DENND4A: variants seen among roughly 807,000 people sequenced by gnomAD.
DENND4A encodes C-myc promoter-binding protein.
DENND4A carries 70 observed loss-of-function variants against 199.3 expected under a neutral mutation model. That is an observed-to-expected ratio of 0.35 (90% CI 0.29 to 0.43). The LOEUF (loss-of-function observed/expected upper bound fraction) is 0.43. DENND4A is among the 20% of genes least tolerant of loss of function. The pLI is 1.00. For synonymous variants in DENND4A, 686 were observed against 766.9 expected (o/e 0.89, Z 1.74); for missense variants, 1,723 against 2,255.8 (o/e 0.76, Z 4.78).
chr15:65,677,988 C>T (rs904616439), intron 23 of DENND4A, among the ~76,000 whole-genome samples: 2 of 140,528 alleles, frequency 1.4e-5, no homozygotes, highest in African/African-American at 5.3e-5. Context: ...AGTGCAGTGG[C>T]ATGATCTTGG....
intron 1 of DENND4A, among the ~76,000 whole-genome samples, chr15:65,782,076 C>T (rs1281424045): frequency 1.3e-5 from 2 of 152,202 alleles, no homozygotes; most frequent in African/African-American, 2.4e-5. Context: ...GTCATTGATA[C>T]AGACAACTCT....
intron 8 of DENND4A, among the ~76,000 whole-genome samples, chr15:65,732,158 C>T (rs370300435): frequency 1.4e-4 from 21 of 151,974 alleles, no homozygotes; most frequent in African/African-American, 5.1e-4. Context: ...GATCAGATGA[C>T]AAGTAAAGAC....
At position 65,738,690 on chromosome 15, in the gene DENND4A, G is replaced by A. The variant is rs1381241041; in HGVS notation, c.801+16C>T. 1.9e-6 allele frequency: 3 copies of A among 1,586,790 alleles called. No individual in the cohort carries two copies. The South Asian group carries it at 3.5e-5, about 19-fold the overall frequency. ...TACAAGAAATTTGTAGATACAATTTGTCAAACACATAATACCTTTTCAGCT... is the reference window on the plus strand; with the variant it reads ...TACAAGAAATTTGTAGATACAATTTATCAAACACATAATACCTTTTCAGCT... On this transcript the variant is annotated intron_variant, in intron 6 of 32. Transcript: ENST00000443035.
At chr15:65,701,740 T>C (rs1057404224) in intron 18 of DENND4A, 22 bp downstream of exon 18, 5 of 1,607,470 alleles carry the variant, frequency 3.1e-6, no homozygotes, top group Non-Finnish European at 4.3e-6. Flanking sequence ...ATACTCTTTA[T>C]CCATTAAACC....
At chr15:65,687,641 C>A (rs1393866892) in intron 23 of DENND4A, among the ~76,000 whole-genome samples, 1 of 152,088 alleles carries the variant, frequency 6.6e-6, no homozygotes, top group Non-Finnish European at 1.5e-5. Flanking sequence ...ATATAAAATT[C>A]TGAGTTGACA....
At chr15:65,733,783 C>T (rs955421638) in intron 7 of DENND4A, among the ~76,000 whole-genome samples, 8 of 152,264 alleles carry the variant, frequency 5.3e-5, no homozygotes, top group Admixed American at 4.6e-4. Flanking sequence ...TATGACCTTA[C>T]CCCCAACGCC....
chr15:65,759,681 G>A (rs2076803321), intron 2 of DENND4A, among the ~76,000 whole-genome samples: 1 of 152,232 alleles, frequency 6.6e-6, no homozygotes, highest in South Asian at 2.1e-4. Flanking sequence ...ACTGTTAAAT[G>A]CTGACTTATC....
intron 27 of DENND4A, 85 bp from the exon 28 acceptor site, chr15:65,668,208 C>CT: frequency 1.0e-6 from 1 of 958,806 alleles, no homozygotes; most frequent in Non-Finnish European, 1.5e-6. Context: ...CTCTCTCTCT[C>CT]TCTTTTTTTT....
At position 65,696,409 on chromosome 15, in the gene DENND4A, A is replaced by G; in HGVS notation, c.3039T>C (p.Gly1013=). 6.2e-7 allele frequency: 1 copy of G among 1,612,796 alleles called. No homozygotes were observed. Among genetic ancestry groups the G allele is most frequent in the Non-Finnish European group, 8.5e-7 (1 of 1,179,098 alleles). The change falls in exon 22 of 33, where the codon GGT becomes GGC. Residue 1013 remains glycine (G), a synonymous_variant. Transcript: ENST00000443035. ...TTTTACCAGCACTGTTGTTACTTGTACCAGTGAGGCGAACGATACTGGAAG... is the reference window on the plus strand; with the variant it reads ...TTTTACCAGCACTGTTGTTACTTGTGCCAGTGAGGCGAACGATACTGGAAG... ...QNSSSIVRLT[G]TSNNSAGKIS...
intron 20 of DENND4A, among the ~76,000 whole-genome samples, chr15:65,698,328 G>A (rs1287214321): frequency 6.6e-6 from 1 of 151,872 alleles, no homozygotes; most frequent in Non-Finnish European, 1.5e-5. Context: ...TGTTGCTAAA[G>A]AGGCTCTGCA....
At chr15:65,741,042 T>C (rs2076248485) in intron 5 of DENND4A, among the ~76,000 whole-genome samples, 1 of 151,954 alleles carries the variant, frequency 6.6e-6, no homozygotes, top group South Asian at 2.1e-4. Flanking sequence ...TATATGTATA[T>C]ATGTATATAT....
intron 29 of DENND4A, 49 bp from the exon 30 acceptor site, chr15:65,665,511 TC>T: frequency 7.3e-7 from 1 of 1,378,608 alleles, no homozygotes; most frequent in Non-Finnish European, 9.9e-7. Context: ...TGATAATTTT[TC>T]ATAAGTATTT....
Position 65,706,251 on chromosome 15 carries a change from A to T in DENND4A, c.1954-27T>A, listed in dbSNP as rs777213706. The T allele has an allele frequency of 1.1e-5, 16 of 1,460,448 alleles. No individual in the cohort carries two copies. In the African/African-American group the frequency reaches 1.7e-4, roughly 16 times the overall value. The allele number at this position is 1,460,448 out of a possible 1,614,324, so 90.5% of individuals were successfully genotyped here. A position where few individuals can be genotyped will look rare whatever the true frequency, so the allele number is the denominator to read the frequency against. On this transcript the variant is annotated intron_variant, in intron 14 of 32. Transcript: ENST00000443035. ...TAAAGGAGTTTTAAAAACATATATT[A>T]AAAAAGCCACATTGGTTAGCCAAGT...
chr15:65,700,479 C>T lies in DENND4A; in HGVS notation c.2833+65G>A, dbSNP rs1297881324. The T allele has an allele frequency of 3.7e-6, 4 of 1,089,862 alleles. No individual in the cohort carries two copies. In the African/African-American group the frequency reaches 6.5e-5, roughly 18 times the overall value. 67.5% of individuals were successfully genotyped at this position (1,089,862 alleles called of 1,614,324 possible). A position where few individuals can be genotyped will look rare whatever the true frequency, so the allele number is the denominator to read the frequency against. On this transcript the variant is annotated intron_variant, in intron 20 of 32. Transcript: ENST00000443035. ...CACTGAAAATGAAAATGTAAAAAAACATAGGCTAGCAAATCTAGTTTTAAA... is the reference window on the plus strand; with the variant it reads ...CACTGAAAATGAAAATGTAAAAAAATATAGGCTAGCAAATCTAGTTTTAAA...
intron 23 of DENND4A, among the ~76,000 whole-genome samples, chr15:65,684,789 A>T (rs935855091): frequency 1.3e-5 from 2 of 150,742 alleles, no homozygotes; most frequent in African/African-American, 4.9e-5. Flanking sequence ...TCAAGGTCTT[A>T]AAAGATTTTC....
intron 1 of DENND4A, among the ~76,000 whole-genome samples, chr15:65,763,007 T>C (rs2076891899): frequency 6.6e-6 from 1 of 152,224 alleles, no homozygotes; most frequent in African/African-American, 2.4e-5. Flanking sequence ...ATCTTATTTT[T>C]TTAAATTAAG....
intron 1 of DENND4A, among the ~76,000 whole-genome samples, chr15:65,782,339 C>T (rs867302135): frequency 1.3e-5 from 2 of 152,160 alleles, no homozygotes; most frequent in Non-Finnish European, 2.9e-5. Context: ...GCTTGTCCAG[C>T]GTCAATCTCC....
At chr15:65,693,534 T>C (rs1399880198) in intron 22 of DENND4A, among the ~76,000 whole-genome samples, 1 of 151,938 alleles carries the variant, frequency 6.6e-6, no homozygotes, top group Non-Finnish European at 1.5e-5. Context: ...TTTTCTCAGA[T>C]CTTTGAACAC....
In DENND4A at chr15:65,769,216, C is replaced by A. The variant is rs149653287; in HGVS notation, c.-101-7778G>T. ...TAAGGTATACACACACACACACACA[C>A]ACACACACACACACACACTCAACTG... On this transcript the variant is annotated intron_variant, in intron 1 of 32. Transcript: ENST00000443035. Among the ~76,000 whole-genome samples, 238 of 151,964 alleles carry A rather than the reference C, an allele frequency of 1.6e-3. 1 individual carries two copies. Among genetic ancestry groups the A allele is most frequent in the Non-Finnish European group, 2.6e-3 (176 of 67,948 alleles).
Sources: gnomAD v4.1 joint callset for allele counts (sites outside exome capture counted in the v4.1 genomes callset) on GRCh38, gnomAD v4.1.1 for gene constraint, MANE v1.5 for transcripts, NCBI Gene and HGNC (gene_info 2026-07-23, HGNC 2026-07-21) for gene names.